The following PTPN9 variants were observed in gnomAD, a reference collection of about 807,000 sequenced individuals.
PTPN9 encodes tyrosine-protein phosphatase non-receptor type 9.
A neutral mutation model predicts 69.8 loss-of-function variants in PTPN9; 26 were observed. The ratio of observed to expected loss-of-function variants is 0.37; its 90% CI spans 0.27 to 0.52. The LOEUF (loss-of-function observed/expected upper bound fraction) is 0.52, where lower values mean the gene tolerates loss of function less well. Among genes scored for constraint, PTPN9 ranks in the 20% least tolerant of loss-of-function variants. PTPN9 has a pLI of 0.91. For missense variants in PTPN9, 549 were observed against 740.3 expected, an observed-to-expected ratio of 0.74 and a Z score of 3.00; for synonymous variants, 274 against 272.5, an observed-to-expected ratio of 1.01 and a Z score of -0.05.
intron 1 of PTPN9, among the ~76,000 whole-genome samples, chr15:75,558,861 C>T (rs2075089504): frequency 6.6e-6 from 1 of 152,182 alleles, no homozygotes; most frequent in Admixed American, 6.5e-5. Context: ...AGTGCAGTGG[C>T]GTGATCTCGG....
chr15:75,466,717 A>G lies in PTPN9; in HGVS notation c.*2052T>C, dbSNP rs1176883863. ...AAGATCTCCATCTTCCATGCAGTGAAGAGACCACAGGCTTTGTAAGCAGAC... is the reference window on the plus strand; with the variant it reads ...AAGATCTCCATCTTCCATGCAGTGAGGAGACCACAGGCTTTGTAAGCAGAC... On this transcript the variant is annotated 3_prime_UTR_variant, in exon 13 of 13. Transcript: ENST00000618819. 4 of 152,238 alleles carry G rather than the reference A, an allele frequency of 2.6e-5. No homozygotes were observed. Among genetic ancestry groups the G allele is most frequent in the African/African-American group, 4.8e-5 (2 of 41,452 alleles). The allele number at this position is 152,238 out of a possible 1,614,324, so 9.4% of individuals were successfully genotyped here. A position where few individuals can be genotyped will look rare whatever the true frequency, so the allele number is the denominator to read the frequency against.
chr15:75,522,262 G>C (rs139335747), intron 4 of PTPN9, among the ~76,000 whole-genome samples: 12 of 152,330 alleles, frequency 7.9e-5, no homozygotes, highest in Non-Finnish European at 1.2e-4. Flanking sequence ...CAGGAAGAGA[G>C]TGATGACCTG....
rs2141344789 is a variant in PTPN9, at chr15:75,569,152, G to A, written c.63+9562C>T. Among the ~76,000 whole-genome samples, 2 of 152,218 alleles carry A rather than the reference G, an allele frequency of 1.3e-5. 1 individual carries two copies. On this transcript the variant is annotated intron_variant, in intron 1 of 12. Transcript: ENST00000618819. Reference sequence around the variant, plus strand: ...TTGTCTGATATACCAAGGCAGGATGGTAGACAGAAGCAGTGAAATGGCTGA... The same window carrying A: ...TTGTCTGATATACCAAGGCAGGATGATAGACAGAAGCAGTGAAATGGCTGA...
chr15:75,469,548 G>C (rs1182214929), intron 12 of PTPN9, among the ~76,000 whole-genome samples: 2 of 152,236 alleles, frequency 1.3e-5, no homozygotes, highest in Admixed American at 1.3e-4. Context: ...ACAGGTGACA[G>C]AGTCAGCGTT....
chr15:75,537,647 C>G (rs572445489), intron 1 of PTPN9, among the ~76,000 whole-genome samples: 1 of 147,486 alleles, frequency 6.8e-6, no homozygotes, highest in East Asian at 2.0e-4. Context: ...CCCAGCTACT[C>G]GGGAGGCTGA....
rs555166607 is a variant in PTPN9 at position 75,578,813 on chromosome 15, C to A, written c.-37G>T. 6 of 1,205,948 alleles carry A rather than the reference C, an allele frequency of 5.0e-6. No homozygotes were observed. The South Asian group carries it at 1.1e-4, about 22-fold the overall frequency. 74.7% of individuals were successfully genotyped at this position (1,205,948 alleles called of 1,614,324 possible). A position where few individuals can be genotyped will look rare whatever the true frequency, so the allele number is the denominator to read the frequency against. On this transcript the variant is annotated 5_prime_UTR_variant, in exon 1 of 13. Transcript: ENST00000618819. ...CGCCGCCGGGCGGACAAAACTCGCT[C>A]GCGAGCGCGGGAGCCCGGCGCGCTC...
At chr15:75,546,676 C>A (rs926459484) in intron 1 of PTPN9, among the ~76,000 whole-genome samples, 7 of 151,702 alleles carry the variant, frequency 4.6e-5, no homozygotes, top group African/African-American at 1.7e-4. Flanking sequence ...CTTCATTAAC[C>A]TTGACATTTG....
rs746278466 is a variant in PTPN9 at position 75,523,258 on chromosome 15, A to C, written c.298-13T>G. 1.2e-6 allele frequency: 2 copies of C among 1,609,662 alleles called. No homozygotes were observed. Among genetic ancestry groups the C allele is most frequent in the Admixed American group, 3.4e-5 (2 of 58,678 alleles). On this transcript the variant is annotated splice_polypyrimidine_tract_variant and intron_variant, in intron 3 of 12. Coordinates refer to ENST00000618819, the MANE Select transcript of PTPN9 (RefSeq NM_002833.4). ...GGTCCCGAACATTCTAAAGCAAATAAAACAAGAAACATTAAAAAAATCAAA... is the reference window on the plus strand; with the variant it reads ...GGTCCCGAACATTCTAAAGCAAATACAACAAGAAACATTAAAAAAATCAAA...
intron 7 of PTPN9, among the ~76,000 whole-genome samples, chr15:75,502,571 T>G (rs1004149166): frequency 5.9e-5 from 9 of 152,170 alleles, no homozygotes; most frequent in Non-Finnish European, 1.2e-4. Flanking sequence ...AGTTATCAAC[T>G]AGTTACGAGC....
At chr15:75,537,903 A>G (rs1028833991) in intron 1 of PTPN9, among the ~76,000 whole-genome samples, 4 of 151,206 alleles carry the variant, frequency 2.6e-5, no homozygotes, top group African/African-American at 9.7e-5. Context: ...TTCTAAAAAT[A>G]CAAAAATTAG....
rs781132549 is a variant in PTPN9 at position 75,527,131 on chromosome 15, A to T, written c.194T>A (p.Phe65Tyr). Residue 65 changes from phenylalanine (F) to tyrosine (Y), a missense_variant, in exon 2 of 13, where the codon TTC becomes TAC. Around this residue, in one of 3 missense-constraint regions of PTPN9, gnomAD observed 457 missense variants for 661.9 expected, o/e 0.69. Transcript: ENST00000618819. The part of the protein sequence containing the change: ...KFDVLRAIEL[F>Y]HSYRETRRKE... ...TGAGCCACATACTCTGTAGGAGTGG[A>T]ACAATTCTATGGCACGGAGCACATC... 1.5e-5 allele frequency: 25 copies of T among 1,614,070 alleles called. No homozygotes were observed. The Admixed American group carries it at 2.0e-4, about 13-fold the overall frequency.
rs2074542037 is a variant in PTPN9, at chr15:75,467,548, TCTAGCAGG to T, written c.*1213_*1220del. ...ACACAGAACCCACCCAGTTTGAGGG[TCTAGCAGG>T]CTAGCAGGCAGGAAGAGATGGGCAT... On this transcript the variant is annotated 3_prime_UTR_variant, in exon 13 of 13. Transcript: ENST00000618819. 6.6e-6 allele frequency: 1 copy of T among 152,372 alleles called. No individual in the cohort carries two copies. Among genetic ancestry groups the T allele is most frequent in the South Asian group, 2.1e-4 (1 of 4,794 alleles). 9.4% of individuals were successfully genotyped at this position (152,372 alleles called of 1,614,324 possible). A position where few individuals can be genotyped will look rare whatever the true frequency, so the allele number is the denominator to read the frequency against.
At chr15:75,567,255 T>C (rs1159644126) in intron 1 of PTPN9, among the ~76,000 whole-genome samples, 1 of 152,120 alleles carries the variant, frequency 6.6e-6, no homozygotes, top group Non-Finnish European at 1.5e-5. Flanking sequence ...TGACCTCAGG[T>C]GATCCGACTG....
chr15:75,503,769 TG>T (rs560139024), intron 7 of PTPN9, among the ~76,000 whole-genome samples: 640 of 51,508 alleles, frequency 0.012, 61 homozygotes, highest in African/African-American at 0.043. Flanking sequence ...GGGAGGGAGG[TG>T]GGGGGGGGGT....
intron 1 of PTPN9, among the ~76,000 whole-genome samples, chr15:75,554,378 G>C (rs2075068247): frequency 6.6e-6 from 1 of 151,862 alleles, no homozygotes; most frequent in Non-Finnish European, 1.5e-5. Flanking sequence ...ATTTTTAGTA[G>C]AGACAGGGTT....
chr15:75,522,450 C>T (rs1433482339), intron 4 of PTPN9, among the ~76,000 whole-genome samples: 1 of 151,780 alleles, frequency 6.6e-6, no homozygotes. Flanking sequence ...AATGCAGTGG[C>T]GTGATCATGG....
chr15:75,554,204 T>C (rs2075067446), intron 1 of PTPN9, among the ~76,000 whole-genome samples: 1 of 148,384 alleles, frequency 6.7e-6, no homozygotes, highest in South Asian at 2.2e-4. Flanking sequence ...AAAAAAATTT[T>C]TTTTTTTGAA....
chr15:75,497,454 T>G (rs993095277), intron 7 of PTPN9, among the ~76,000 whole-genome samples: 6 of 152,146 alleles, frequency 3.9e-5, no homozygotes, highest in African/African-American at 1.4e-4. Flanking sequence ...ACAGTGCCAC[T>G]GCACCTGCAC....
intron 1 of PTPN9, among the ~76,000 whole-genome samples, chr15:75,541,607 C>A (rs999198740): frequency 6.6e-6 from 1 of 151,648 alleles, no homozygotes; most frequent in Non-Finnish European, 1.5e-5. Context: ...GGGATTTCAC[C>A]GTGTTAGCCA....
Sources: gnomAD v4.1 joint callset for allele counts (sites outside exome capture counted in the v4.1 genomes callset) on GRCh38, gnomAD v4.1.1 for gene constraint, gnomAD v4.1.1 regional missense constraint, MANE v1.5 for transcripts, NCBI Gene and HGNC (gene_info 2026-07-23, HGNC 2026-07-21) for gene names.